FGFBP1: variants seen among roughly 807,000 people sequenced by gnomAD.
FGFBP1 encodes the protein fibroblast growth factor-binding protein 1.
Under a neutral mutation model 14.6 loss-of-function variants are expected in FGFBP1, and 12 were observed. The ratio of observed to expected loss-of-function variants is 0.82; its 90% CI spans 0.53 to 1.33. The LOEUF (loss-of-function observed/expected upper bound fraction) is 1.33. FGFBP1 is among the 40% of genes most tolerant of loss of function. The probability of loss-of-function intolerance (pLI) is 0.00; values close to 1 mark genes in which losing one functional copy is unlikely to be tolerated. For synonymous variants in FGFBP1, 117 were observed against 105.0 expected (o/e 1.11, Z -0.70); for missense variants, 317 against 271.8 (o/e 1.17, Z -1.17).
intron 2 of FGFBP1, among the ~76,000 whole-genome samples, chr4:15,937,190 C>A (rs866854046): frequency 6.6e-6 from 1 of 150,860 alleles, no homozygotes; most frequent in African/African-American, 2.4e-5. Context: ...GACACAGATG[C>A]CCAAAATGAG....
Position 15,936,025 on chromosome 4 carries a change from A to G in FGFBP1, c.608T>C (p.Met203Thr), listed in dbSNP as rs1305629081. The G allele has an allele frequency of 2.5e-6, 4 of 1,614,026 alleles. No homozygotes were observed. The highest frequency in any genetic ancestry group is 2.2e-5 in the East Asian group (1 of 44,888). ...KAPECVEDPD[M>T]ANQRKTALEF... Reference sequence around the variant, plus strand: ...CAGGGCAGTCTTCCTCTGGTTTGCCATATCTGGGTCCTCCACACACTCGGG... The same window carrying G: ...CAGGGCAGTCTTCCTCTGGTTTGCCGTATCTGGGTCCTCCACACACTCGGG... The change falls in exon 3 of 3, where the codon ATG (methionine) becomes ACG (threonine). Residue 203 changes from methionine to threonine, a missense_variant. Transcript: ENST00000382333.
intron 2 of FGFBP1, among the ~76,000 whole-genome samples, chr4:15,937,530 G>A (rs113996996): frequency 2.3e-3 from 356 of 152,278 alleles, no homozygotes; most frequent in African/African-American, 8.3e-3. Flanking sequence ...CTGATCATGT[G>A]TACAATAAAA....
chr4:15,936,216 G>C lies in FGFBP1; in HGVS notation c.417C>G (p.Cys139Trp). 2 of 1,614,158 alleles carry C rather than the reference G, an allele frequency of 1.2e-6. No individual in the cohort carries two copies. Among genetic ancestry groups the C allele is most frequent in the Non-Finnish European group, 1.7e-6 (2 of 1,180,014 alleles). ...GACTGGATTCTGGAAAATCCTTTCT[G>C]CACACTCTGGTTTTCACAGCTGTCT... is the stretch of plus-strand genomic sequence containing the variant. ...YSKTAVKTRV[C>W]RKDFPESSLK... The change falls in exon 3 of 3, where the codon TGC (cysteine) becomes TGG (tryptophan). Residue 139 changes from cysteine (C) to tryptophan (W), a missense_variant. Cys to Trp is a radical substitution (Grantham distance 215, BLOSUM62 -2). Coordinates refer to ENST00000382333, the MANE Select transcript of FGFBP1 (RefSeq NM_005130.5).
intron 2 of FGFBP1, among the ~76,000 whole-genome samples, chr4:15,937,469 A>G (rs1384725910): frequency 1.3e-5 from 2 of 152,328 alleles, no homozygotes; most frequent in Middle Eastern, 3.4e-3. Context: ...GATCATGAGA[A>G]ATCATTGAAT....
intron 2 of FGFBP1, among the ~76,000 whole-genome samples, chr4:15,936,955 T>C (rs1370535692): frequency 6.6e-6 from 1 of 152,172 alleles, no homozygotes; most frequent in Non-Finnish European, 1.5e-5. Context: ...CAACAAGCAT[T>C]TACTGAGCAC....
Position 15,936,086 on chromosome 4 carries a change from TA to T in FGFBP1, c.546del (p.Ser183AlafsTer2). Reference protein sequence around the residue: ...EHIKGKETTPSSLAVTQTMAT... With the variant: ...EHIKGKETTPXSLAVTQTMAT... ...GCCATGGTCTGGGTCACTGCTAGGC[TA>T]GAGGGGGTGGTCTCTTTGCCTTTGA... On this transcript the variant is annotated frameshift_variant, in exon 3 of 3. Transcript: ENST00000382333. LOFTEE classifies it high-confidence loss of function. The T allele has an allele frequency of 4.3e-6, 7 of 1,614,128 alleles. No homozygotes were observed. Among genetic ancestry groups the T allele is most frequent in the Non-Finnish European group, 5.9e-6 (7 of 1,179,980 alleles).
In FGFBP1 at chr4:15,936,208, T is replaced by C; in HGVS notation, c.425A>G (p.Asp142Gly). ...TAGCTTAAGACTGGATTCTGGAAAA[T>C]CCTTTCTGCACACTCTGGTTTTCAC... ...TAVKTRVCRK[D>G]FPESSLKLVS... is the part of the protein sequence containing the mutation. The change falls in exon 3 of 3, where the codon GAT becomes GGT. Residue 142 changes from aspartate (D) to glycine (G), a missense_variant. By Grantham distance (94) the Asp-to-Gly change is moderately conservative. Transcript: ENST00000382333. 1 of 1,614,112 alleles carries C rather than the reference T, an allele frequency of 6.2e-7. No individual in the cohort carries two copies. Among genetic ancestry groups the C allele is most frequent in the Non-Finnish European group, 8.5e-7 (1 of 1,180,018 alleles).
rs761875405 is a variant in FGFBP1 at position 15,936,386 on chromosome 4, C to T, written c.247G>A (p.Val83Ile). ...TEQEEGISLK[V>I]ECTQLDHEFS... ...TCATGGTCCAATTGAGTGCACTCAA[C>T]CTTGAGAGAGATGCCCTCCTCCTGC... The change falls in exon 3 of 3, where the codon GTT (valine) becomes ATT (isoleucine). Residue 83 changes from valine to isoleucine, a missense_variant. By Grantham distance (29) the Val-to-Ile change is conservative. Coordinates refer to ENST00000382333, the MANE Select transcript of FGFBP1 (RefSeq NM_005130.5). 8.1e-6 allele frequency: 13 copies of T among 1,614,180 alleles called. No homozygotes were observed. Among genetic ancestry groups the T allele is most frequent in the Non-Finnish European group, 1.1e-5 (13 of 1,180,020 alleles).
chr4:15,936,178 C>A lies in FGFBP1; in HGVS notation c.455G>T (p.Ser152Ile). 1.2e-6 allele frequency: 2 copies of A among 1,614,144 alleles called. No homozygotes were observed. Among genetic ancestry groups the A allele is most frequent in the Non-Finnish European group, 1.7e-6 (2 of 1,179,976 alleles). The part of the protein sequence containing the change: ...DFPESSLKLV[S>I]STLFGNTKPR... ...CTTTGTGTTCCCAAATAGAGTGGAG[C>A]TGACTAGCTTAAGACTGGATTCTGG... Residue 152 changes from serine to isoleucine, a missense_variant, in exon 3 of 3, where the codon AGC (serine) becomes ATC (isoleucine). Transcript: ENST00000382333.
At chr4:15,936,903 A>T (rs146630085) in intron 2 of FGFBP1, among the ~76,000 whole-genome samples, 1 of 151,460 alleles carries the variant, frequency 6.6e-6, no homozygotes, top group Non-Finnish European at 1.5e-5. Context: ...TCACTCATTA[A>T]CTCCTGCATC....
Position 15,936,302 on chromosome 4 carries a change from C to A in FGFBP1, c.331G>T (p.Val111Phe). The change falls in exon 3 of 3, where the codon GTC becomes TTC. Residue 111 changes from valine to phenylalanine, a missense_variant. Coordinates refer to ENST00000382333, the MANE Select transcript of FGFBP1 (RefSeq NM_005130.5). ...TSCLKLKDER[V>F]YWKQVARNLR... ...TTCCGGGCAACTTGTTTCCAATAGA[C>A]TCTCTCATCCTTGAGCTTTAGGCAT... The A allele has an allele frequency of 6.2e-7, 1 of 1,614,204 alleles. No homozygotes were observed. The highest frequency in any genetic ancestry group is 1.3e-5 in the African/African-American group (1 of 75,042).
Position 15,936,409 on chromosome 4 carries a change from T to C in FGFBP1, c.224A>G (p.Gln75Arg), listed in dbSNP as rs1385341359. 13 of 1,614,112 alleles carry C rather than the reference T, an allele frequency of 8.1e-6. No individual in the cohort carries two copies. The highest frequency in any genetic ancestry group is 1.1e-5 in the Non-Finnish European group (13 of 1,180,048). Reference protein sequence around the residue: ...QANCRWAATEQEEGISLKVEC... With the variant: ...QANCRWAATEREEGISLKVEC... ...AACCTTGAGAGAGATGCCCTCCTCC[T>C]GCTCAGTAGCAGCCCATCTGCAGTT... The change falls in exon 3 of 3, where the codon CAG (glutamine) becomes CGG (arginine). Residue 75 changes from glutamine to arginine, a missense_variant. Transcript: ENST00000382333.
Position 15,936,300 on chromosome 4 carries a change from G to A in FGFBP1, c.333C>T (p.Val111=). The stretch of plus-strand genomic sequence containing the variant: ...GATTCCGGGCAACTTGTTTCCAATA[G>A]ACTCTCTCATCCTTGAGCTTTAGGC... ...TSCLKLKDER[V]YWKQVARNLR... is the part of the protein sequence containing the mutation. Residue 111 remains valine, a synonymous_variant, in exon 3 of 3, where the codon GTC becomes GTT. Transcript: ENST00000382333. 1 of 1,614,206 alleles carries A rather than the reference G, an allele frequency of 6.2e-7. No individual in the cohort carries two copies.
Position 15,935,675 on chromosome 4 carries a change from C to T in FGFBP1, c.*253G>A, listed in dbSNP as rs562314365. ...TGGCTCATTCAGCTCAAAGACTCTT[C>T]GCTGCTCAAACACATAGCTGTGTGG... On this transcript the variant is annotated 3_prime_UTR_variant, in exon 3 of 3. Transcript: ENST00000382333. 2.5e-5 allele frequency: 9 copies of T among 354,244 alleles called. No individual in the cohort carries two copies. Among genetic ancestry groups the T allele is most frequent in the East Asian group, 8.7e-5 (2 of 22,860 alleles). 21.9% of individuals were successfully genotyped at this position (354,244 alleles called of 1,614,324 possible). A position where few individuals can be genotyped will look rare whatever the true frequency, so the allele number is the denominator to read the frequency against.
Position 15,935,892 on chromosome 4 carries a change from ACATCTCTTAAGG to A in FGFBP1, c.*24_*35del. ...AGTATACAGAGGGACTTACGACATG[ACATCTCTTAAGG>A]GAACCCGTTCTCTTTTGACCTCATT... On this transcript the variant is annotated 3_prime_UTR_variant, in exon 3 of 3. Coordinates refer to ENST00000382333, the MANE Select transcript of FGFBP1 (RefSeq NM_005130.5). 1 of 1,376,570 alleles carries A rather than the reference ACATCTCTTAAGG, an allele frequency of 7.3e-7. No homozygotes were observed. 85.3% of individuals were successfully genotyped at this position (1,376,570 alleles called of 1,614,324 possible). A position where few individuals can be genotyped will look rare whatever the true frequency, so the allele number is the denominator to read the frequency against.
chr4:15,936,182 C>CT lies in FGFBP1; in HGVS notation c.450dup (p.Val151SerfsTer33). On this transcript the variant is annotated frameshift_variant, in exon 3 of 3. Coordinates refer to ENST00000382333, the MANE Select transcript of FGFBP1 (RefSeq NM_005130.5). LOFTEE classifies it high-confidence loss of function. ...GTGTTCCCAAATAGAGTGGAGCTGA[C>CT]TAGCTTAAGACTGGATTCTGGAAAA... is the stretch of plus-strand genomic sequence containing the variant. The CT allele has an allele frequency of 1.2e-6, 2 of 1,614,170 alleles. No homozygotes were observed. The highest frequency in any genetic ancestry group is 8.5e-7 in the Non-Finnish European group (1 of 1,180,006).
rs1174646200 is a variant in FGFBP1 at position 15,936,565 on chromosome 4, C to T, written c.68G>A (p.Gly23Glu). 6.2e-7 allele frequency: 1 copy of T among 1,613,226 alleles called. No homozygotes were observed. Among genetic ancestry groups the T allele is most frequent in the South Asian group, 1.1e-5 (1 of 91,058 alleles). ...AAGTCCATTCTTCACTTTTTTTTTC[C>T]CCTCCACCAGGAGCACCTGAGCAGC... ...LLAAQVLLVEGKKKVKNGLHS... is the reference protein window; with the variant it reads ...LLAAQVLLVEEKKKVKNGLHS... Residue 23 changes from glycine (G) to glutamate (E), a missense_variant, in exon 3 of 3, where the codon GGG (glycine) becomes GAG (glutamate). Transcript: ENST00000382333.
In FGFBP1 at chr4:15,935,775, C is replaced by G; in HGVS notation, c.*153G>C. The G allele has an allele frequency of 1.8e-6, 1 of 562,356 alleles. No homozygotes were observed. The highest frequency in any genetic ancestry group is 3.1e-6 in the Non-Finnish European group (1 of 326,718). The allele number at this position is 562,356 out of a possible 1,614,324, so 34.8% of individuals were successfully genotyped here. A position where few individuals can be genotyped will look rare whatever the true frequency, so the allele number is the denominator to read the frequency against. ...GAAAAATAAGGCAAATTCCAAAACA[C>G]AAAAGCAAAAAATACAAAACTTGTT... On this transcript the variant is annotated 3_prime_UTR_variant, in exon 3 of 3. Coordinates refer to ENST00000382333, the MANE Select transcript of FGFBP1 (RefSeq NM_005130.5).
chr4:15,936,005 C>T lies in FGFBP1; in HGVS notation c.628G>A (p.Ala210Thr), dbSNP rs1322776376. 6.2e-7 allele frequency: 1 copy of T among 1,614,108 alleles called. No individual in the cohort carries two copies. The highest frequency in any genetic ancestry group is 8.5e-7 in the Non-Finnish European group (1 of 1,179,990). The change falls in exon 3 of 3, where the codon GCC (alanine) becomes ACC (threonine). Residue 210 changes from alanine (A) to threonine (T), a missense_variant. Coordinates refer to ENST00000382333, the MANE Select transcript of FGFBP1 (RefSeq NM_005130.5). ...CAAGTCTCTCCACAGAACTCCAGGG[C>T]AGTCTTCCTCTGGTTTGCCATATCT... is the stretch of plus-strand genomic sequence containing the variant. ...DPDMANQRKTALEFCGETWSS... is the reference protein window; with the variant it reads ...DPDMANQRKTTLEFCGETWSS...
Sources: allele counts gnomAD v4.1 joint callset (sites outside exome capture counted in the v4.1 genomes callset), GRCh38; gene constraint gnomAD v4.1.1; transcripts MANE v1.5; gene names NCBI Gene and HGNC (gene_info 2026-07-23, HGNC 2026-07-21).